Variants in PACS1 observed in about 807,000 individuals in gnomAD.
PACS1 encodes the protein PACS-1.
A neutral mutation model predicts 115.0 loss-of-function variants in PACS1; 24 were observed. The observed-to-expected ratio is 0.21, with a 90% CI of 0.15 to 0.29. The LOEUF (loss-of-function observed/expected upper bound fraction) is 0.29. Among genes scored for constraint, PACS1 ranks in the 10% least tolerant of loss-of-function variants. The probability of loss-of-function intolerance (pLI) is 1.00; values close to 1 mark genes in which losing one functional copy is unlikely to be tolerated. For missense variants in PACS1, 838 were observed against 1,251.2 expected (o/e 0.67, Z 4.98); for synonymous variants, 453 against 504.5 (o/e 0.90, Z 1.37).
intron 1 of PACS1, among the ~76,000 whole-genome samples, chr11:66,174,992 A>T (rs1006840973): frequency 5.9e-5 from 9 of 152,048 alleles, no homozygotes; most frequent in Admixed American, 2.0e-4. Context: ...CTCTACTAAA[A>T]CTACAAAAAT....
At chr11:66,104,892 G>A (rs931486623) in intron 1 of PACS1, among the ~76,000 whole-genome samples, 4 of 152,162 alleles carry the variant, frequency 2.6e-5, no homozygotes, top group Non-Finnish European at 4.4e-5. Context: ...TATTGGCAGG[G>A]CCTGGATCAG....
intron 10 of PACS1, among the ~76,000 whole-genome samples, chr11:66,223,773 A>C (rs956750289): frequency 6.6e-6 from 1 of 152,246 alleles, no homozygotes; most frequent in Non-Finnish European, 1.5e-5. Flanking sequence ...CAGAACACCT[A>C]ACACTGTGGA....
At chr11:66,122,393 C>T (rs1474450687) in intron 1 of PACS1, among the ~76,000 whole-genome samples, 2 of 152,232 alleles carry the variant, frequency 1.3e-5, no homozygotes, top group Non-Finnish European at 2.9e-5. Context: ...TTAACCACAA[C>T]ATCCATGCAG....
At chr11:66,121,101 G>A (rs1468625507) in intron 1 of PACS1, 8 of 455,754 alleles carry the variant, frequency 1.8e-5, no homozygotes, top group South Asian at 3.1e-5. Context: ...CTAATAGCAT[G>A]TGCTTACTTT....
At chr11:66,084,933 G>A (rs1857541548) in intron 1 of PACS1, among the ~76,000 whole-genome samples, 1 of 152,084 alleles carries the variant, frequency 6.6e-6, no homozygotes. Context: ...TAAAAACCTG[G>A]ATGAGTTCTT....
At chr11:66,227,625 G>A in intron 11 of PACS1, 41 bp downstream of exon 11, 1 of 1,299,922 alleles carries the variant, frequency 7.7e-7, no homozygotes, top group Non-Finnish European at 1.1e-6. Context: ...GTTTCAAATA[G>A]TGTTTGTCCC....
At chr11:66,143,044 G>A (rs1452622142) in intron 1 of PACS1, among the ~76,000 whole-genome samples, 1 of 152,002 alleles carries the variant, frequency 6.6e-6, no homozygotes, top group African/African-American at 2.4e-5. Flanking sequence ...CAGTGAAAGA[G>A]GCTATTTTTC....
Position 66,204,934 on chromosome 11 carries a change from T to C in PACS1, c.445-5428T>C, listed in dbSNP as rs117705695. Among the ~76,000 whole-genome samples the C allele has an allele frequency of 6.7e-3, 1,021 of 152,146 alleles. 5 individuals carry two copies. The highest frequency in any genetic ancestry group is 0.015 in the Admixed American group (236 of 15,284). ...AGGTAGGAAGATTCCTTGAGTCCAG[T>C]AGTTTGAGACCAGCCTGAGCACCAT... On this transcript the variant is annotated intron_variant, in intron 2 of 23. Coordinates refer to ENST00000320580, the MANE Select transcript of PACS1 (RefSeq NM_018026.4).
chr11:66,117,822 G>T (rs974299920), intron 1 of PACS1, among the ~76,000 whole-genome samples: 4 of 151,964 alleles, frequency 2.6e-5, no homozygotes, highest in African/African-American at 4.8e-5. Flanking sequence ...TCCAGCCTGG[G>T]CAACAAGAGT....
At chr11:66,135,782 G>T (rs1469626674) in intron 1 of PACS1, among the ~76,000 whole-genome samples, 1 of 151,488 alleles carries the variant, frequency 6.6e-6, no homozygotes, top group Admixed American at 6.6e-5. Flanking sequence ...TCAGCCTCCC[G>T]AGTAGCTGGG....
chr11:66,111,444 G>A (rs1590751559), intron 1 of PACS1, among the ~76,000 whole-genome samples: 1 of 152,062 alleles, frequency 6.6e-6, no homozygotes, highest in Non-Finnish European at 1.5e-5. Flanking sequence ...CTTAACTCCA[G>A]ACTTATGTAT....
intron 1 of PACS1, among the ~76,000 whole-genome samples, chr11:66,147,228 G>C (rs527851136): frequency 6.6e-6 from 1 of 151,954 alleles, no homozygotes; most frequent in African/African-American, 2.4e-5. Context: ...AAGAAAAAAC[G>C]AAACAAAACA....
chr11:66,150,451 T>A (rs1859209772), intron 1 of PACS1, among the ~76,000 whole-genome samples: 1 of 149,208 alleles, frequency 6.7e-6, no homozygotes, highest in African/African-American at 2.5e-5. Flanking sequence ...TCTTTTATGT[T>A]GTTTCCTTTT....
chr11:66,206,171 G>A (rs1348166848), intron 2 of PACS1, among the ~76,000 whole-genome samples: 1 of 151,788 alleles, frequency 6.6e-6, no homozygotes, highest in Non-Finnish European at 1.5e-5. Context: ...TAAAACACCA[G>A]TAACCTAATT....
At chr11:66,151,659 A>G (rs911993644) in intron 1 of PACS1, among the ~76,000 whole-genome samples, 2 of 152,220 alleles carry the variant, frequency 1.3e-5, no homozygotes, top group Non-Finnish European at 2.9e-5. Flanking sequence ...AGTTGCTATA[A>G]CATCTTATCT....
intron 1 of PACS1, among the ~76,000 whole-genome samples, chr11:66,140,908 G>T (rs1032233516): frequency 7.2e-5 from 11 of 152,012 alleles, no homozygotes; most frequent in African/African-American, 9.7e-5. Context: ...TCCACATGAA[G>T]AGCTTTTTTT....
chr11:66,141,776 G>A (rs1668805048), intron 1 of PACS1, among the ~76,000 whole-genome samples: 1 of 151,672 alleles, frequency 6.6e-6, no homozygotes, highest in Non-Finnish European at 1.5e-5. Context: ...ATTTTTTGTT[G>A]TTTTTTGTAG....
At chr11:66,191,602 G>A (rs895638164) in intron 1 of PACS1, among the ~76,000 whole-genome samples, 1 of 152,142 alleles carries the variant, frequency 6.6e-6, no homozygotes, top group Non-Finnish European at 1.5e-5. Context: ...TGTTTTTGAG[G>A]TCTAGGTAAA....
intron 1 of PACS1, among the ~76,000 whole-genome samples, chr11:66,092,569 T>G (rs1284055336): frequency 3.3e-5 from 5 of 151,972 alleles, no homozygotes; most frequent in Non-Finnish European, 7.4e-5. Flanking sequence ...GCCATTGCTT[T>G]TGGTGTTTTA....
Sources: gnomAD v4.1 joint callset for allele counts (sites outside exome capture counted in the v4.1 genomes callset) on GRCh38, gnomAD v4.1.1 for gene constraint, MANE v1.5 for transcripts, NCBI Gene and HGNC (gene_info 2026-07-23, HGNC 2026-07-21) for gene names.